Variants in RAB29 observed in about 807,000 individuals in gnomAD.
The protein encoded by RAB29 is ras-related protein Rab-29.
RAB29 carries 13 observed loss-of-function variants against 25.5 expected under a neutral mutation model. The ratio of observed to expected loss-of-function variants is 0.51; its 90% confidence interval spans 0.33 to 0.81. The LOEUF is 0.81. RAB29 is among the 30% of genes least tolerant of loss of function. The pLI is 0.02. For missense variants in RAB29, 201 were observed against 254.9 expected, an observed-to-expected ratio of 0.79 and a Z score of 1.44; for synonymous variants, 88 against 95.0, an observed-to-expected ratio of 0.93 and a Z score of 0.43.
chr1:205,768,745 G>A lies in RAB29; in HGVS notation c.*1597C>T, dbSNP rs1654839645. ...AGACGGGGTTTCAGTATGTTGGCCAGGTTGATCTTGAACTCCTGACCTCAG... is the reference window on the plus strand; with the variant it reads ...AGACGGGGTTTCAGTATGTTGGCCAAGTTGATCTTGAACTCCTGACCTCAG... On this transcript the variant is annotated 3_prime_UTR_variant, in exon 6 of 6. Coordinates refer to ENST00000367139, the MANE Select transcript of RAB29 (RefSeq NM_003929.3). 6.6e-6 allele frequency: 1 copy of A among 151,892 alleles called. No individual in the cohort carries two copies. Among genetic ancestry groups the A allele is most frequent in the East Asian group, 1.9e-4 (1 of 5,188 alleles). 9.4% of individuals were successfully genotyped at this position (151,892 alleles called of 1,614,324 possible).
rs187954997 is a variant in RAB29 at position 205,772,305 on chromosome 1, T to A, written c.196+191A>T. ...CCAGCCCCTCCATCCACATAGAGAC[T>A]GCTCCAGATCTATTCAGGGCAAAAC... On this transcript the variant is annotated intron_variant, in intron 3 of 5. Coordinates refer to ENST00000367139, the MANE Select transcript of RAB29 (RefSeq NM_003929.3). Among the ~76,000 whole-genome samples the A allele has an allele frequency of 2.2e-3, 334 of 152,298 alleles. 2 individuals carry two copies. Among genetic ancestry groups the A allele is most frequent in the South Asian group, 5.8e-3 (28 of 4,820 alleles).
At position 205,772,678 on chromosome 1, in the gene RAB29, CAT is replaced by C. The variant is rs1402707262; in HGVS notation, c.125-113_125-112del. 9.0e-6 allele frequency: 9 copies of C among 994,734 alleles called. No homozygotes were observed. The East Asian group carries it at 1.8e-4, about 20-fold the overall frequency. 61.6% of individuals were successfully genotyped at this position (994,734 alleles called of 1,614,324 possible). A position where few individuals can be genotyped will look rare whatever the true frequency, so the allele number is the denominator to read the frequency against. The stretch of plus-strand genomic sequence containing the variant: ...CCCTATGGACACACAACTCCAATCC[CAT>C]ATGTTTAACTTTAAGCCCTCAATTC... On this transcript the variant is annotated intron_variant, in intron 2 of 5. Coordinates refer to ENST00000367139, the MANE Select transcript of RAB29 (RefSeq NM_003929.3).
chr1:205,771,327 C>T (rs1004184614), intron 4 of RAB29, 145 bp downstream of exon 4: 3 of 919,484 alleles, frequency 3.3e-6, no homozygotes, highest in African/African-American at 3.3e-5. Flanking sequence ...GAAAGTCTCA[C>T]TCACCCTCAA....
At chr1:205,773,795 G>T (rs1318669321) in intron 2 of RAB29, among the ~76,000 whole-genome samples, 1 of 152,022 alleles carries the variant, frequency 6.6e-6, no homozygotes, top group South Asian at 2.1e-4. Flanking sequence ...TATGAACCAC[G>T]GTACTGGGCC....
Position 205,770,413 on chromosome 1 carries a change from T to C in RAB29, c.541A>G (p.Ile181Val), listed in dbSNP as rs1654926798. ...EKMMRNSTED[I>V]MSLSTQGDYI... The stretch of plus-strand genomic sequence containing the variant: ...TCCCCTTGGGTGGACAAAGACATGA[T>C]ATCTTCTGTGGAATTTCTCATCATC... Residue 181 changes from isoleucine (I) to valine (V), a missense_variant, in exon 6 of 6, where the codon ATC (isoleucine) becomes GTC (valine). Transcript: ENST00000367139. 6.2e-7 allele frequency: 1 copy of C among 1,614,228 alleles called. No homozygotes were observed. The highest frequency in any genetic ancestry group is 8.5e-7 in the Non-Finnish European group (1 of 1,180,022).
intron 4 of RAB29, 148 bp from the exon 5 acceptor site, chr1:205,771,002 G>A: frequency 8.5e-7 from 1 of 1,177,716 alleles, no homozygotes; most frequent in Non-Finnish European, 1.2e-6. Flanking sequence ...TCTTCCCAAA[G>A]AAAGTCTCAC....
chr1:205,774,441 G>C (rs1007526060), intron 2 of RAB29, among the ~76,000 whole-genome samples: 4 of 152,204 alleles, frequency 2.6e-5, no homozygotes, highest in Non-Finnish European at 4.4e-5. Context: ...CACCTAACCA[G>C]GAGGCCCCAC....
chr1:205,774,787 G>A, intron 2 of RAB29, 46 bp downstream of exon 2: 1 of 1,528,358 alleles, frequency 6.5e-7, no homozygotes, highest in South Asian at 1.2e-5. Flanking sequence ...TCCGCGGTCG[G>A]GGCCTCCTCC....
At chr1:205,774,794 C>CG in intron 2 of RAB29, 39 bp downstream of exon 2, 11 of 1,419,244 alleles carry the variant, frequency 7.8e-6, no homozygotes, top group African/African-American at 1.4e-5. Flanking sequence ...TCGGGGCCTC[C>CG]TCCTCCCCCT....
rs1314844913 is a variant in RAB29 at position 205,769,256 on chromosome 1, G to C, written c.*1086C>G. ...CAGATTCCCAAAGCTGTGAGGAGCA[G>C]ACCTATTTCGAAGCATCACAGCCAG... On this transcript the variant is annotated 3_prime_UTR_variant, in exon 6 of 6. Transcript: ENST00000367139. 1.3e-5 allele frequency: 2 copies of C among 152,146 alleles called. No individual in the cohort carries two copies. The highest frequency in any genetic ancestry group is 4.8e-5 in the African/African-American group (2 of 41,438). The allele number at this position is 152,146 out of a possible 1,614,324, so 9.4% of individuals were successfully genotyped here. A position where few individuals can be genotyped will look rare whatever the true frequency, so the allele number is the denominator to read the frequency against.
chr1:205,771,665 G>T lies in RAB29; in HGVS notation c.197-12C>A, dbSNP rs761169652. 6.2e-7 allele frequency: 1 copy of T among 1,612,924 alleles called. No homozygotes were observed. The highest frequency in any genetic ancestry group is 8.5e-7 in the Non-Finnish European group (1 of 1,178,920). On this transcript the variant is annotated splice_polypyrimidine_tract_variant and intron_variant, in intron 3 of 5. Transcript: ENST00000367139. ...GAAGCGCTCCTGCCCTGGGGAGAAA[G>T]GGGAGAGTTCTCAAGGTGACCCAAG...
At position 205,768,541 on chromosome 1, in the gene RAB29, T is replaced by TG. The variant is rs1381320006; in HGVS notation, c.*1800_*1801insC. On this transcript the variant is annotated 3_prime_UTR_variant, in exon 6 of 6. Coordinates refer to ENST00000367139, the MANE Select transcript of RAB29 (RefSeq NM_003929.3). Reference sequence around the variant, plus strand: ...CCCAAAAATCTTTTTCTTTTTGTTTTTTTTTTTTGGAGATGGAGTTTCACT... The same window carrying TG: ...CCCAAAAATCTTTTTCTTTTTGTTTTGTTTTTTTTGGAGATGGAGTTTCACT... The TG allele has an allele frequency of 6.6e-6, 1 of 151,158 alleles. No individual in the cohort carries two copies. Among genetic ancestry groups the TG allele is most frequent in the African/African-American group, 2.4e-5 (1 of 41,166 alleles). 9.4% of individuals were successfully genotyped at this position (151,158 alleles called of 1,614,324 possible). A position where few individuals can be genotyped will look rare whatever the true frequency, so the allele number is the denominator to read the frequency against.
chr1:205,775,359 C>T lies in RAB29; in HGVS notation c.-217G>A, dbSNP rs1181202905. Reference sequence around the variant, plus strand: ...TGGGGCCAGATGATGGGGACCCTCCCCTTGCAGCACAAACCAAATTGTGAG... The same window carrying T: ...TGGGGCCAGATGATGGGGACCCTCCTCTTGCAGCACAAACCAAATTGTGAG... On this transcript the variant is annotated 5_prime_UTR_variant, in exon 1 of 6. Coordinates refer to ENST00000367139, the MANE Select transcript of RAB29 (RefSeq NM_003929.3). The T allele has an allele frequency of 1.8e-5, 3 of 165,468 alleles. No individual in the cohort carries two copies. Among genetic ancestry groups the T allele is most frequent in the African/African-American group, 4.8e-5 (2 of 41,674 alleles). 10.2% of individuals were successfully genotyped at this position (165,468 alleles called of 1,614,324 possible).
At chr1:205,770,678 A>G in intron 5 of RAB29, 55 bp downstream of exon 5, 1 of 1,610,298 alleles carries the variant, frequency 6.2e-7, no homozygotes, top group Non-Finnish European at 8.5e-7. Context: ...GAGGGTCCAC[A>G]GGGCCACAGT....
At position 205,774,858 on chromosome 1, in the gene RAB29, G is replaced by C; in HGVS notation, c.99C>G (p.Ser33Arg). ...LVQRYSQDSF[S>R]KHYKSTVGVD... The stretch of plus-strand genomic sequence containing the variant: ...CTCCCACCGTGGACTTGTAGTGTTT[G>C]CTGAAGCTGTCCTGGGAATATCGCT... Residue 33 changes from serine (S) to arginine (R), a missense_variant, in exon 2 of 6, where the codon AGC becomes AGG. By Grantham distance (110) the Ser-to-Arg change is moderately radical. Transcript: ENST00000367139. 1.5e-6 allele frequency: 2 copies of C among 1,365,848 alleles called. No homozygotes were observed. The highest frequency in any genetic ancestry group is 2.0e-6 in the Non-Finnish European group (2 of 1,021,796). The allele number at this position is 1,365,848 out of a possible 1,614,324, so 84.6% of individuals were successfully genotyped here. A position where few individuals can be genotyped will look rare whatever the true frequency, so the allele number is the denominator to read the frequency against.
chr1:205,773,646 G>A (rs1324929352), intron 2 of RAB29, among the ~76,000 whole-genome samples: 2 of 152,020 alleles, frequency 1.3e-5, no homozygotes, highest in African/African-American at 4.8e-5. Flanking sequence ...TCAGTTTCCC[G>A]AGTAGCTGGG....
intron 2 of RAB29, among the ~76,000 whole-genome samples, chr1:205,773,463 G>C (rs1255095330): frequency 2.0e-5 from 3 of 152,124 alleles, no homozygotes; most frequent in South Asian, 4.1e-4. Context: ...AGGGCAGAGC[G>C]GTCAGGATAG....
intron 2 of RAB29, among the ~76,000 whole-genome samples, chr1:205,773,633 G>A (rs986338901): frequency 1.3e-5 from 2 of 152,150 alleles, no homozygotes; most frequent in East Asian, 1.9e-4. Context: ...CAATCCTCTC[G>A]TCTCAGTTTC....
chr1:205,771,750 C>T (rs935766926), intron 3 of RAB29, 97 bp from the exon 4 acceptor site: 9 of 1,188,122 alleles, frequency 7.6e-6, no homozygotes, highest in Non-Finnish European at 1.1e-5. Context: ...CAGATGGGGC[C>T]ACTCACTTTC....
Sources: gnomAD v4.1 joint callset for allele counts (sites outside exome capture counted in the v4.1 genomes callset) on GRCh38, gnomAD v4.1.1 for gene constraint, MANE v1.5 for transcripts, NCBI Gene and HGNC (gene_info 2026-07-23, HGNC 2026-07-21) for gene names.